SLC60A2: variants seen among roughly 807,000 people sequenced by gnomAD.
SLC60A2 encodes the protein major facilitator superfamily domain containing 4B.
chr6:111,259,406 C>G, the SLC60A2 span: 1 of 393,220 alleles, frequency 2.5e-6, no homozygotes, highest in East Asian at 3.7e-5. Context: ...GCCCCGGTTC[C>G]GGGCGGTCCG....
chr6:111,263,504 A>G, the SLC60A2 span, among the ~76,000 whole-genome samples: 1 of 152,284 alleles, frequency 6.6e-6, no homozygotes, highest in Admixed American at 6.5e-5. Flanking sequence ...CATGTCTAAA[A>G]ATTCCTGTTA....
chr6:111,262,192 C>A, the SLC60A2 span: 2 of 1,361,598 alleles, frequency 1.5e-6, no homozygotes, highest in Non-Finnish European at 1.0e-6. Flanking sequence ...GTGGAAGAAA[C>A]TACCACATAG....
the SLC60A2 span, chr6:111,259,582 C>T: frequency 8.8e-6 from 10 of 1,137,824 alleles, no homozygotes; most frequent in Non-Finnish European, 1.1e-5. Context: ...CCCCCGGCTG[C>T]GGGGCAGCGG....
At chr6:111,261,245 A>G in the SLC60A2 span, among the ~76,000 whole-genome samples, 1 of 152,352 alleles carries the variant, frequency 6.6e-6, no homozygotes, top group Non-Finnish European at 1.5e-5. Context: ...TGTATAGTTC[A>G]GGGGAAGGAC....
At chr6:111,269,436 G>A in the SLC60A2 span, 6 of 152,384 alleles carry the variant, frequency 3.9e-5, no homozygotes, top group East Asian at 1.2e-3. Context: ...CTGATCTCAA[G>A]TGATCTGCCC....
At chr6:111,261,249 G>A in the SLC60A2 span, among the ~76,000 whole-genome samples, 2 of 152,180 alleles carry the variant, frequency 1.3e-5, no homozygotes, top group Admixed American at 1.3e-4. Flanking sequence ...TAGTTCAGGG[G>A]AAGGACTCCA....
the SLC60A2 span, chr6:111,268,581 T>C: frequency 2.0e-5 from 3 of 152,246 alleles, no homozygotes; most frequent in Non-Finnish European, 4.4e-5. Context: ...TGTTTCAGTG[T>C]TATTAGATTA....
the SLC60A2 span, chr6:111,265,158 C>T: frequency 4.7e-6 from 2 of 421,756 alleles, no homozygotes; most frequent in Non-Finnish European, 6.3e-6. Context: ...CCTCCCTTCC[C>T]TGCTTTGCTG....
chr6:111,275,631 A>C, the SLC60A2 span, among the ~76,000 whole-genome samples: 3,414 of 152,122 alleles, frequency 0.022, 41 homozygotes, highest in South Asian at 0.053. Context: ...GCTGGTCTTG[A>C]ACTGCTGACC....
At chr6:111,276,728 AACC>A in the SLC60A2 span, among the ~76,000 whole-genome samples, 4,542 of 152,308 alleles carry the variant, frequency 0.03, 207 homozygotes, top group African/African-American at 0.1. Context: ...GATCCCTCTG[AACC>A]ACCTTGGAAC....
the SLC60A2 span, chr6:111,278,320 TAGGG>T: frequency 6.6e-6 from 1 of 152,194 alleles, no homozygotes; most frequent in Non-Finnish European, 1.5e-5. Context: ...TAAAATTTCT[TAGGG>T]AGTCCAGGTT....
the SLC60A2 span, among the ~76,000 whole-genome samples, chr6:111,273,716 A>G: frequency 1.2e-4 from 18 of 151,806 alleles, no homozygotes; most frequent in South Asian, 1.5e-3. Context: ...GTTGGAGTCT[A>G]TGTGCCCATT....
chr6:111,269,165 TA>T, the SLC60A2 span: 1 of 152,156 alleles, frequency 6.6e-6, no homozygotes, highest in African/African-American at 2.4e-5. Context: ...GTGGAGAAGT[TA>T]ATGGTAAAAA....
the SLC60A2 span, chr6:111,266,088 G>A: frequency 6.2e-7 from 1 of 1,614,194 alleles, no homozygotes; most frequent in South Asian, 1.1e-5. Flanking sequence ...TCTGTTTGGA[G>A]TACCTAATGA....
chr6:111,266,958 T>C, the SLC60A2 span: 6 of 1,614,028 alleles, frequency 3.7e-6, no homozygotes, highest in Non-Finnish European at 1.7e-6. Flanking sequence ...AATGAGGCAT[T>C]CTATAATAGA....
the SLC60A2 span, chr6:111,277,926 G>A: frequency 6.6e-6 from 1 of 152,218 alleles, no homozygotes; most frequent in South Asian, 2.1e-4. Flanking sequence ...CTAGATCTTG[G>A]ATTACAGCTC....
At chr6:111,261,730 A>C in the SLC60A2 span, among the ~76,000 whole-genome samples, 1 of 152,012 alleles carries the variant, frequency 6.6e-6, no homozygotes, top group Non-Finnish European at 1.5e-5. Flanking sequence ...AGTAGCTGGG[A>C]CTACAGGCGC....
At chr6:111,266,548 A>T in the SLC60A2 span, 1 of 1,614,194 alleles carries the variant, frequency 6.2e-7, no homozygotes, top group South Asian at 1.1e-5. Flanking sequence ...ACTTCAGTGT[A>T]TGGGGCTTCA....
chr6:111,262,198 C>T, the SLC60A2 span: 6 of 1,415,142 alleles, frequency 4.2e-6, no homozygotes, highest in East Asian at 7.0e-5. Flanking sequence ...GAAACTACCA[C>T]ATAGTTAGAC....
Sources: gnomAD v4.1 joint callset for allele counts (sites outside exome capture counted in the v4.1 genomes callset) on GRCh38, gnomAD v4.1.1 for gene constraint, MANE v1.5 for transcripts, NCBI Gene and HGNC (gene_info 2026-07-23, HGNC 2026-07-21) for gene names.